NPAS2: variants seen among roughly 807,000 people sequenced by gnomAD.
NPAS2 encodes neuronal PAS domain-containing protein 2.
A neutral mutation model predicts 107.5 loss-of-function variants in NPAS2; 23 were observed. The observed-to-expected ratio is 0.21, with a 90% CI of 0.15 to 0.30. NPAS2 has a LOEUF of 0.30. NPAS2 is among the 10% of genes least tolerant of loss of function. NPAS2 has a pLI of 1.00. For synonymous variants in NPAS2, 403 were observed against 417.5 expected (o/e 0.97, Z 0.42); for missense variants, 756 against 1,043.3 (o/e 0.72, Z 3.79).
At chr2:100,904,690 A>G (rs1368167465) in intron 1 of NPAS2, 43 bp from the exon 2 acceptor site, 1 of 1,322,586 alleles carries the variant, frequency 7.6e-7, no homozygotes, top group Admixed American at 2.0e-5. Context: ...AGAAGCAGAC[A>G]GTAATTATCC....
chr2:100,961,694 C>T (rs1675924368), intron 7 of NPAS2, among the ~76,000 whole-genome samples: 1 of 152,190 alleles, frequency 6.6e-6, no homozygotes, highest in Non-Finnish European at 1.5e-5. Flanking sequence ...CTGCTGCCCT[C>T]GAAGAAGCAA....
At chr2:100,945,526 C>T (rs141718641) in intron 5 of NPAS2, among the ~76,000 whole-genome samples, 236 of 152,338 alleles carry the variant, frequency 1.5e-3, no homozygotes, top group African/African-American at 5.5e-3. Context: ...TTAAAATGCA[C>T]GAGCAGTTCT....
At chr2:100,841,959 C>A (rs1015348605) in intron 1 of NPAS2, among the ~76,000 whole-genome samples, 1 of 152,190 alleles carries the variant, frequency 6.6e-6, no homozygotes, top group Non-Finnish European at 1.5e-5. Flanking sequence ...TACATATACA[C>A]AAGCATGCAC....
chr2:100,928,045 G>A (rs1230564741), intron 3 of NPAS2, among the ~76,000 whole-genome samples: 2 of 152,082 alleles, frequency 1.3e-5, no homozygotes, highest in African/African-American at 4.8e-5. Context: ...CATAAAAGAG[G>A]GTGCGGCTGG....
At chr2:100,943,526 A>G (rs1307794839) in intron 5 of NPAS2, among the ~76,000 whole-genome samples, 1 of 152,212 alleles carries the variant, frequency 6.6e-6, no homozygotes, top group Non-Finnish European at 1.5e-5. Context: ...ACACTGGATG[A>G]GGCCAACAGC....
At chr2:100,889,479 A>G (rs1159422257) in intron 1 of NPAS2, among the ~76,000 whole-genome samples, 1 of 152,148 alleles carries the variant, frequency 6.6e-6, no homozygotes, top group Non-Finnish European at 1.5e-5. Flanking sequence ...CTACTGACCT[A>G]TGATCCCCAC....
At chr2:100,897,509 C>T (rs6742116) in intron 1 of NPAS2, among the ~76,000 whole-genome samples, 1 of 151,964 alleles carries the variant, frequency 6.6e-6, no homozygotes, top group African/African-American at 2.4e-5. Context: ...TCCACCTCCC[C>T]CTCACCAAAG....
At chr2:100,897,371 T>C (rs1300644077) in intron 1 of NPAS2, among the ~76,000 whole-genome samples, 1 of 152,204 alleles carries the variant, frequency 6.6e-6, no homozygotes, top group Non-Finnish European at 1.5e-5. Flanking sequence ...GGCCAGACTT[T>C]GCAAACTTAA....
intron 7 of NPAS2, among the ~76,000 whole-genome samples, chr2:100,962,402 T>C (rs1290721773): frequency 1.3e-5 from 2 of 152,226 alleles, no homozygotes; most frequent in African/African-American, 4.8e-5. Flanking sequence ...ATGCTCGATA[T>C]GTTCCTCATT....
intron 1 of NPAS2, among the ~76,000 whole-genome samples, chr2:100,859,484 C>T (rs1678801177): frequency 6.6e-6 from 1 of 152,146 alleles, no homozygotes; most frequent in East Asian, 1.9e-4. Flanking sequence ...TGTAGAATAT[C>T]ACCTTGTGAT....
At chr2:100,925,414 C>G in intron 3 of NPAS2, 120 bp downstream of exon 3, 1 of 1,039,274 alleles carries the variant, frequency 9.6e-7, no homozygotes, top group South Asian at 1.6e-5. Flanking sequence ...CCTTACCGGT[C>G]GAGGGCTTCC....
intron 4 of NPAS2, among the ~76,000 whole-genome samples, chr2:100,936,203 G>T (rs1684287067): frequency 2.6e-5 from 4 of 152,280 alleles, no homozygotes; most frequent in South Asian, 4.1e-4. Flanking sequence ...TGGTATAAAG[G>T]TGCCCTTCAT....
intron 1 of NPAS2, among the ~76,000 whole-genome samples, chr2:100,828,823 G>T (rs1676549196): frequency 6.6e-6 from 1 of 152,146 alleles, no homozygotes; most frequent in Non-Finnish European, 1.5e-5. Flanking sequence ...TAGAAGTTGG[G>T]TAATATGATG....
At chr2:100,852,940 A>G (rs1468292006) in intron 1 of NPAS2, among the ~76,000 whole-genome samples, 1 of 152,234 alleles carries the variant, frequency 6.6e-6, no homozygotes, top group Non-Finnish European at 1.5e-5. Context: ...TTCACTCATT[A>G]TCTTCCCATA....
At chr2:100,899,621 C>A (rs1290964048) in intron 1 of NPAS2, among the ~76,000 whole-genome samples, 2 of 152,164 alleles carry the variant, frequency 1.3e-5, no homozygotes, top group African/African-American at 4.8e-5. Flanking sequence ...GATAAGGGAA[C>A]TTTCTCTACT....
chr2:100,830,038 CA>C (rs962539621), intron 1 of NPAS2, among the ~76,000 whole-genome samples: 1 of 152,118 alleles, frequency 6.6e-6, no homozygotes, highest in Admixed American at 6.6e-5. Context: ...ACCTTGAAAG[CA>C]AAAACAACCT....
In NPAS2 at chr2:100,892,786, C is replaced by G. The variant is rs1404673388; in HGVS notation, c.-22-11947C>G. Among the ~76,000 whole-genome samples the G allele has an allele frequency of 3.3e-5, 5 of 152,204 alleles. No homozygotes were observed. The East Asian group carries it at 9.6e-4, about 29-fold the overall frequency. ...CCAGGCTGGAATGCAGTGGCGTGATCTCAGCTCGTTGCGGCCTTTGGCTCA... is the reference window on the plus strand; with the variant it reads ...CCAGGCTGGAATGCAGTGGCGTGATGTCAGCTCGTTGCGGCCTTTGGCTCA... On this transcript the variant is annotated intron_variant, in intron 1 of 20. Transcript: ENST00000335681.
intron 20 of NPAS2, chr2:100,994,357 T>C (rs1350414413): frequency 2.0e-5 from 3 of 152,270 alleles, no homozygotes; most frequent in African/African-American, 7.2e-5. Flanking sequence ...AAGCCATCTG[T>C]GCTATAATTT....
chr2:100,986,770 A>C (rs956561152), intron 16 of NPAS2: 1 of 152,208 alleles, frequency 6.6e-6, no homozygotes, highest in Non-Finnish European at 1.5e-5. Context: ...ATTTTTATTT[A>C]TGTTCAATTA....
Sources: gnomAD v4.1 joint callset for allele counts (sites outside exome capture counted in the v4.1 genomes callset) on GRCh38, gnomAD v4.1.1 for gene constraint, MANE v1.5 for transcripts, NCBI Gene and HGNC (gene_info 2026-07-23, HGNC 2026-07-21) for gene names.